Variants in FNIP1 observed in about 807,000 individuals in gnomAD.
FNIP1 encodes the protein folliculin-interacting protein 1.
A neutral mutation model predicts 124.5 loss-of-function variants in FNIP1; 40 were observed. The observed-to-expected ratio is 0.32, with a 90% CI of 0.25 to 0.42. The LOEUF (loss-of-function observed/expected upper bound fraction) is 0.42. Among genes scored for constraint, FNIP1 ranks in the 10% least tolerant of loss-of-function variants. The pLI, the probability that FNIP1 is intolerant of heterozygous loss-of-function variation, is 1.00. For missense variants in FNIP1, 1,176 were observed against 1,403.7 expected (o/e 0.84, Z 2.59); for synonymous variants, 472 against 470.6 (o/e 1.00, Z -0.04).
At position 131,744,676 on chromosome 5, in the gene FNIP1, T is replaced by C; in HGVS notation, c.107A>G (p.Glu36Gly). 6.2e-7 allele frequency: 1 copy of C among 1,608,754 alleles called. No homozygotes were observed. The highest frequency in any genetic ancestry group is 8.5e-7 in the Non-Finnish European group (1 of 1,177,372). The change falls in exon 2 of 18, where the codon GAG (glutamate) becomes GGG (glycine). Residue 36 changes from glutamate (E) to glycine (G), a missense_variant. Around this residue, in one of 2 missense-constraint regions of FNIP1, gnomAD observed 1,109 missense variants for 1,288.5 expected, o/e 0.86. Transcript: ENST00000510461. ...PDCGFSWPLP[E>G]FDPSQIRLIV... ...CAGTCGAATCTGGCTTGGATCAAAC[T>C]CTGGTAAAGGCCAACTTGAAAGAAA...
At chr5:131,645,944 G>A (rs530335900) in intron 17 of FNIP1, among the ~76,000 whole-genome samples, 223 of 152,296 alleles carry the variant, frequency 1.5e-3, no homozygotes, top group Non-Finnish European at 2.6e-3. Context: ...TGTTAACAGT[G>A]TTTGAGTAGG....
At chr5:131,759,918 T>G (rs974141945) in intron 1 of FNIP1, among the ~76,000 whole-genome samples, 1 of 152,148 alleles carries the variant, frequency 6.6e-6, no homozygotes, top group Non-Finnish European at 1.5e-5. Flanking sequence ...TAAAAAAGAA[T>G]GAAATCATGT....
At chr5:131,720,618 T>C (rs1489045536) in intron 3 of FNIP1, among the ~76,000 whole-genome samples, 3 of 152,156 alleles carry the variant, frequency 2.0e-5, no homozygotes, top group Non-Finnish European at 2.9e-5. Flanking sequence ...ACCATGTATC[T>C]GATAAGGGAT....
At chr5:131,763,562 T>C (rs1771312177) in intron 1 of FNIP1, among the ~76,000 whole-genome samples, 1 of 152,030 alleles carries the variant, frequency 6.6e-6, no homozygotes, top group African/African-American at 2.4e-5. Flanking sequence ...ATGGCGGGAA[T>C]AGGAGGAAGA....
In FNIP1 at chr5:131,670,559, G is replaced by C. The variant is rs1180005049; in HGVS notation, c.3012C>G (p.Tyr1004Ter). ...ANFGRSLLGG[Y>*]CSSYVPDFVL... ...CAAAGTCAGGCACATAAGATGAGCA[G>C]TAGCCACCCAGCAAGGACCTCCCGA... The change falls in exon 15 of 18, where the codon TAC becomes TAG. Residue 1004 changes from tyrosine to a stop codon, truncating the protein, a stop_gained. Coordinates refer to ENST00000510461, the MANE Select transcript of FNIP1 (RefSeq NM_133372.3). LOFTEE classifies it high-confidence loss of function. The C allele has an allele frequency of 6.2e-7, 1 of 1,613,834 alleles. No homozygotes were observed. The highest frequency in any genetic ancestry group is 8.5e-7 in the Non-Finnish European group (1 of 1,179,908).
Position 131,653,766 on chromosome 5 carries a change from C to T in FNIP1, c.3109-1767G>A, listed in dbSNP as rs181352661. ...TTTTTATTTATTTTTTTCAGACAGT[C>T]TCACTCTGTCACCAGCCTAGGCTGG... On this transcript the variant is annotated intron_variant, in intron 15 of 17. Transcript: ENST00000510461. Among the ~76,000 whole-genome samples, 727 of 152,292 alleles carry T rather than the reference C, an allele frequency of 4.8e-3. 5 individuals are homozygous for T. Among genetic ancestry groups the T allele is most frequent in the African/African-American group, 0.017 (690 of 41,576 alleles).
chr5:131,794,859 G>C (rs749464192), intron 1 of FNIP1, among the ~76,000 whole-genome samples: 15 of 152,224 alleles, frequency 9.9e-5, no homozygotes, highest in Non-Finnish European at 2.9e-5. Context: ...TGACTGCCAC[G>C]GGTGAGGAGG....
chr5:131,737,967 G>T lies in FNIP1; in HGVS notation c.219+6597C>A, dbSNP rs527954560. Among the ~76,000 whole-genome samples the T allele has an allele frequency of 3.3e-5, 5 of 152,298 alleles. No individual in the cohort carries two copies. In the South Asian group the frequency reaches 1.0e-3, roughly 32 times the overall value. ...CTGCAGACTGGGGCAGGGTAGTGGG[G>T]ATATGGTTTCAGGATGAAACTGTTC... On this transcript the variant is annotated intron_variant, in intron 2 of 17. Transcript: ENST00000510461.
At chr5:131,665,972 C>T (rs1767593100) in intron 15 of FNIP1, among the ~76,000 whole-genome samples, 1 of 149,160 alleles carries the variant, frequency 6.7e-6, no homozygotes, top group Non-Finnish European at 1.5e-5. Context: ...CGTGATCTCA[C>T]CTCACTGCAA....
Position 131,698,911 on chromosome 5 carries a change from A to G in FNIP1, c.1202+6T>C, listed in dbSNP as rs756698324. 7.5e-6 allele frequency: 12 copies of G among 1,601,980 alleles called. No individual in the cohort carries two copies. The Admixed American group carries it at 2.1e-4, about 28-fold the overall frequency. ...ACTGCATTATGGAAAGCTGGGCAAT[A>G]TGTACCTGAATTCATTTAGGGCATC... On this transcript the variant is annotated splice_donor_region_variant and intron_variant, in intron 11 of 17. Transcript: ENST00000510461.
chr5:131,742,306 A>G (rs1580802749), intron 2 of FNIP1, among the ~76,000 whole-genome samples: 1 of 152,298 alleles, frequency 6.6e-6, no homozygotes, highest in East Asian at 1.9e-4. Flanking sequence ...TCTACTAAAA[A>G]TGTAAAAATT....
At chr5:131,791,956 C>A (rs1002965558) in intron 1 of FNIP1, among the ~76,000 whole-genome samples, 1 of 152,050 alleles carries the variant, frequency 6.6e-6, no homozygotes, top group East Asian at 1.9e-4. Context: ...TTTAATGAGT[C>A]TGGGCCCAAA....
chr5:131,778,213 A>C (rs1267518693), intron 1 of FNIP1, among the ~76,000 whole-genome samples: 1 of 152,194 alleles, frequency 6.6e-6, no homozygotes, highest in East Asian at 1.9e-4. Context: ...AACAAAAAAA[A>C]CAACATACCA....
At chr5:131,713,912 C>T (rs2149539131) in intron 6 of FNIP1, among the ~76,000 whole-genome samples, 1 of 152,348 alleles carries the variant, frequency 6.6e-6, no homozygotes, top group South Asian at 2.1e-4. Context: ...CTCAATCCCA[C>T]TTATCTGAAT....
At chr5:131,674,588 C>T (rs866516832) in intron 13 of FNIP1, among the ~76,000 whole-genome samples, 1 of 151,786 alleles carries the variant, frequency 6.6e-6, no homozygotes, top group East Asian at 1.9e-4. Context: ...CATGGTGGCG[C>T]GCACCTGTAA....
rs186465401 is a variant in FNIP1 at position 131,742,288 on chromosome 5, A to G, written c.219+2276T>C. On this transcript the variant is annotated intron_variant, in intron 2 of 17. Transcript: ENST00000510461. ...AGACCAGTCTGGCCAACAAGGCGAA[A>G]CCCCATTTCTACTAAAAATGTAAAA... is the stretch of plus-strand genomic sequence containing the variant. Among the ~76,000 whole-genome samples the G allele has an allele frequency of 2.6e-3, 403 of 152,262 alleles. 5 individuals carry two copies. Among genetic ancestry groups the G allele is most frequent in the Non-Finnish European group, 4.6e-3 (316 of 68,032 alleles).
chr5:131,787,433 G>A (rs974554635), intron 1 of FNIP1, among the ~76,000 whole-genome samples: 10 of 152,276 alleles, frequency 6.6e-5, no homozygotes, highest in East Asian at 1.9e-4. Context: ...CAGACACCCC[G>A]CAGTACTGGG....
At chr5:131,744,070 G>C (rs1165762328) in intron 2 of FNIP1, among the ~76,000 whole-genome samples, 2 of 151,858 alleles carry the variant, frequency 1.3e-5, no homozygotes, top group Non-Finnish European at 2.9e-5. Flanking sequence ...ATTCTTACAG[G>C]GCTGTTTAAC....
At chr5:131,750,287 C>T (rs1476634081) in intron 1 of FNIP1, among the ~76,000 whole-genome samples, 1 of 151,924 alleles carries the variant, frequency 6.6e-6, no homozygotes, top group Admixed American at 6.6e-5. Flanking sequence ...GGAGGCAGTA[C>T]GGTCAAAGTG....
Sources: allele counts gnomAD v4.1 joint callset (sites outside exome capture counted in the v4.1 genomes callset), GRCh38; gene constraint gnomAD v4.1.1; regional missense constraint gnomAD v4.1.1; transcripts MANE v1.5; gene names NCBI Gene and HGNC (gene_info 2026-07-23, HGNC 2026-07-21).